Variants in RPH3AL observed in about 807,000 individuals in gnomAD.
RPH3AL encodes rab effector Noc2.
Under a neutral mutation model 43.1 loss-of-function variants are expected in RPH3AL, and 38 were observed. That is an observed-to-expected ratio of 0.88 (90% CI 0.68 to 1.15). RPH3AL has a LOEUF of 1.15. Among genes scored for constraint, RPH3AL ranks in the 50% most tolerant of loss-of-function variants. RPH3AL has a pLI of 0.00. For missense variants in RPH3AL, 462 were observed against 423.2 expected (o/e 1.09, Z -0.81); for synonymous variants, 189 against 176.3 (o/e 1.07, Z -0.57).
rs961386075 is a variant in RPH3AL at position 213,695 on chromosome 17, A to G, written c.*157T>C. The G allele has an allele frequency of 3.0e-6, 2 of 667,500 alleles. No homozygotes were observed. The highest frequency in any genetic ancestry group is 5.4e-6 in the Non-Finnish European group (2 of 370,102). 41.3% of individuals were successfully genotyped at this position (667,500 alleles called of 1,614,324 possible). A position where few individuals can be genotyped will look rare whatever the true frequency, so the allele number is the denominator to read the frequency against. On this transcript the variant is annotated 3_prime_UTR_variant, in exon 10 of 10. Coordinates refer to ENST00000331302, the MANE Select transcript of RPH3AL (RefSeq NM_006987.4). The stretch of plus-strand genomic sequence containing the variant: ...TCCCCAGGAGAGAAGGGGTGCAGAA[A>G]GGCACTGAGCTGGGGAGGCAGACGG...
intron 6 of RPH3AL, among the ~76,000 whole-genome samples, chr17:248,833 T>G (rs1174971810): frequency 6.6e-6 from 1 of 152,194 alleles, no homozygotes; most frequent in Non-Finnish European, 1.5e-5. Context: ...GCTGAGAAAG[T>G]TGGAAGTACT....
At chr17:350,123 T>C (rs1229590220) in intron 1 of RPH3AL, among the ~76,000 whole-genome samples, 1 of 152,248 alleles carries the variant, frequency 6.6e-6, no homozygotes, top group East Asian at 1.9e-4. Flanking sequence ...CATTTCTTCC[T>C]CTGTACAACA....
At chr17:266,151 C>T (rs1051984487) in intron 6 of RPH3AL, among the ~76,000 whole-genome samples, 13 of 152,282 alleles carry the variant, frequency 8.5e-5, no homozygotes, top group Non-Finnish European at 1.5e-4. Context: ...AGACCCCTTC[C>T]AGGAGGATTC....
intron 5 of RPH3AL, among the ~76,000 whole-genome samples, chr17:293,699 T>C (rs2043100774): frequency 6.6e-6 from 1 of 152,016 alleles, no homozygotes; most frequent in Admixed American, 6.6e-5. Flanking sequence ...GTGGATGGGA[T>C]GGCTAAATCA....
chr17:317,723 A>C (rs1027046314), intron 5 of RPH3AL, among the ~76,000 whole-genome samples: 1 of 152,238 alleles, frequency 6.6e-6, no homozygotes, highest in African/African-American at 2.4e-5. Context: ...AGGTAGCTGA[A>C]GTCCTGGCTT....
At chr17:316,778 GCCC>G (rs1221675809) in intron 5 of RPH3AL, among the ~76,000 whole-genome samples, 2 of 66,048 alleles carry the variant, frequency 3.0e-5, no homozygotes, top group Non-Finnish European at 5.7e-5. Context: ...AAGTCCCTGT[GCCC>G]CCACCTCCAT....
intron 1 of RPH3AL, among the ~76,000 whole-genome samples, chr17:350,539 A>C (rs1187983921): frequency 6.6e-6 from 1 of 151,940 alleles, no homozygotes; most frequent in African/African-American, 2.4e-5. Flanking sequence ...TGAACCGAGG[A>C]GGCGGAGGTT....
At chr17:269,128 T>C (rs950756713) in intron 6 of RPH3AL, among the ~76,000 whole-genome samples, 4 of 152,174 alleles carry the variant, frequency 2.6e-5, no homozygotes, top group Non-Finnish European at 5.9e-5. Context: ...TCCGCCCGCC[T>C]TGGCTTCCTA....
intron 1 of RPH3AL, among the ~76,000 whole-genome samples, chr17:351,072 GCCCATCAC>G (rs2045345031): frequency 6.6e-6 from 1 of 152,056 alleles, no homozygotes; most frequent in Non-Finnish European, 1.5e-5. Flanking sequence ...CTGTACCCCT[GCCCATCAC>G]CCACGGCCTC....
At chr17:224,896 T>C (rs143797425) in intron 7 of RPH3AL, among the ~76,000 whole-genome samples, 1 of 140,126 alleles carries the variant, frequency 7.1e-6, no homozygotes, top group African/African-American at 2.7e-5. Context: ...TTCTCACTCA[T>C]AGGTGGGAAT....
chr17:329,111 G>A (rs1437708814), intron 2 of RPH3AL, among the ~76,000 whole-genome samples: 1 of 152,092 alleles, frequency 6.6e-6, no homozygotes, highest in African/African-American at 2.4e-5. Flanking sequence ...CTTTAAAAGT[G>A]TGAATTTTAT....
chr17:229,900 C>A (rs1344946561), intron 7 of RPH3AL, among the ~76,000 whole-genome samples: 2 of 152,198 alleles, frequency 1.3e-5, no homozygotes, highest in African/African-American at 2.4e-5. Flanking sequence ...CAGCCAGAAG[C>A]AGCTCAGAGC....
chr17:331,191 G>A (rs540270150), intron 2 of RPH3AL: 7 of 146,976 alleles, frequency 4.8e-5, no homozygotes, highest in South Asian at 1.9e-4. Context: ...GGAGGAGGCC[G>A]CGAGAACTGC....
chr17:278,724 C>G (rs115050514), intron 6 of RPH3AL, among the ~76,000 whole-genome samples: 10 of 152,274 alleles, frequency 6.6e-5, no homozygotes, highest in Admixed American at 1.3e-4. Flanking sequence ...GGTTTGTGGT[C>G]TCCCTCTCCC....
intron 6 of RPH3AL, among the ~76,000 whole-genome samples, chr17:272,184 G>T (rs941111447): frequency 6.6e-6 from 1 of 152,190 alleles, no homozygotes; most frequent in Non-Finnish European, 1.5e-5. Flanking sequence ...AACCATTGTG[G>T]AGGACAGTGT....
In RPH3AL at chr17:270,717, C is replaced by T. The variant is rs537297659; in HGVS notation, c.438+11051G>A. 2.6e-5 allele frequency among the ~76,000 whole-genome samples: 4 copies of T among 152,096 alleles called. No homozygotes were observed. In the South Asian group the frequency reaches 8.3e-4, roughly 32 times the overall value. ...AAAAAAAAAAAAAATTTCTCCCATT[C>T]TGTAGGTTGCCTGTTCACTTTGATC... is the stretch of plus-strand genomic sequence containing the variant. On this transcript the variant is annotated intron_variant, in intron 6 of 9. Coordinates refer to ENST00000331302, the MANE Select transcript of RPH3AL (RefSeq NM_006987.4).
chr17:234,588 G>C (rs2041318453), intron 7 of RPH3AL: 1 of 155,652 alleles, frequency 6.4e-6, no homozygotes, highest in African/African-American at 2.4e-5. Context: ...GCAAATGTGT[G>C]GTCCCAGAGG....
chr17:261,996 A>G (rs1301901798), intron 6 of RPH3AL: 2 of 152,216 alleles, frequency 1.3e-5, no homozygotes, highest in Non-Finnish European at 2.9e-5. Flanking sequence ...TCTGTTGTCA[A>G]TAAGAAACAC....
At chr17:286,607 G>C (rs992068780) in intron 5 of RPH3AL, among the ~76,000 whole-genome samples, 1 of 152,226 alleles carries the variant, frequency 6.6e-6, no homozygotes, top group African/African-American at 2.4e-5. Context: ...AAACGAAACA[G>C]GTGGTATTTT....
Sources: allele counts gnomAD v4.1 joint callset (sites outside exome capture counted in the v4.1 genomes callset), GRCh38; gene constraint gnomAD v4.1.1; transcripts MANE v1.5; gene names NCBI Gene and HGNC (gene_info 2026-07-23, HGNC 2026-07-21).